CDC27: variants seen among roughly 807,000 people sequenced by gnomAD.
The protein encoded by CDC27 is cell division cycle 27, also known as cell division cycle protein 27 homolog.
CDC27 carries 27 observed loss-of-function variants against 109.7 expected under a neutral mutation model. That is an observed-to-expected ratio of 0.25 (90% CI 0.18 to 0.34). CDC27 has a LOEUF of 0.34. Among genes scored for constraint, CDC27 ranks in the 10% least tolerant of loss-of-function variants. The pLI is 1.00. For synonymous variants in CDC27, 266 were observed against 333.9 expected (o/e 0.80, Z 2.22); for missense variants, 579 against 960.2 (o/e 0.60, Z 5.25).
At position 47,178,415 on chromosome 17, in the gene CDC27, G is replaced by A. The variant is rs545900282; in HGVS notation, c.103+3147C>T. ...CTGGGCATGGTAGCATGTGCCTGTAGTCTCATCTAGTAGGGAGGTTGAGGT... is the reference window on the plus strand; with the variant it reads ...CTGGGCATGGTAGCATGTGCCTGTAATCTCATCTAGTAGGGAGGTTGAGGT... On this transcript the variant is annotated intron_variant, in intron 2 of 18. Coordinates refer to ENST00000066544, the MANE Select transcript of CDC27 (RefSeq NM_001256.6). 2.4e-3 allele frequency among the ~76,000 whole-genome samples: 371 copies of A among 151,628 alleles called. 2 individuals are homozygous for A. Among genetic ancestry groups the A allele is most frequent in the Non-Finnish European group, 2.5e-3 (169 of 67,932 alleles).
At position 47,137,298 on chromosome 17, in the gene CDC27, G is replaced by A; in HGVS notation, c.1767C>T (p.Phe589=). Residue 589 remains phenylalanine (F), a synonymous_variant, in exon 14 of 19, where the codon TTC becomes TTT. Transcript: ENST00000066544. ...GATCAACTTGGATAGCTCTCTGGAA[G>A]AATTTAATTGCAATATCATGTTCCC... ...LQREHDIAIK[F]FQRAIQVDPN... The A allele has an allele frequency of 6.2e-7, 1 of 1,611,876 alleles. No individual in the cohort carries two copies. Among genetic ancestry groups the A allele is most frequent in the Non-Finnish European group, 8.5e-7 (1 of 1,179,150 alleles).
At chr17:47,133,110 T>C (rs12449604) in intron 14 of CDC27, among the ~76,000 whole-genome samples, 22 of 1,340 alleles carry the variant, frequency 0.016, no homozygotes, top group Non-Finnish European at 0.025. Context: ...AATATACATA[T>C]ATATATATAT....
At position 47,119,017 on chromosome 17, in the gene CDC27, C is replaced by G. The variant is rs11570583; in HGVS notation, c.*1918G>C. 1.5e-4 allele frequency: 23 copies of G among 152,270 alleles called. No individual in the cohort carries two copies. Among genetic ancestry groups the G allele is most frequent in the Non-Finnish European group, 2.6e-4 (18 of 68,010 alleles). 9.4% of individuals were successfully genotyped at this position (152,270 alleles called of 1,614,324 possible). On this transcript the variant is annotated 3_prime_UTR_variant, in exon 19 of 19. Coordinates refer to ENST00000066544, the MANE Select transcript of CDC27 (RefSeq NM_001256.6). Reference sequence around the variant, plus strand: ...TCAGCAAGTTATGTTCTAAGCTTAGCTTTCTCCAGGCTTTATAACGCAGAA... The same window carrying G: ...TCAGCAAGTTATGTTCTAAGCTTAGGTTTCTCCAGGCTTTATAACGCAGAA...
At chr17:47,149,558 T>C (rs993616003) in intron 9 of CDC27, among the ~76,000 whole-genome samples, 4 of 136,480 alleles carry the variant, frequency 2.9e-5, no homozygotes, top group African/African-American at 1.1e-4. Context: ...TCCTTCAAGG[T>C]GGAGGAAAAT....
At chr17:47,183,579 G>A (rs887401832) in intron 1 of CDC27, among the ~76,000 whole-genome samples, 1 of 152,032 alleles carries the variant, frequency 6.6e-6, no homozygotes, top group Non-Finnish European at 1.5e-5. Context: ...CTAGATACAA[G>A]GAAAAAGATG....
At chr17:47,167,715 A>G (rs752901078) in intron 4 of CDC27, among the ~76,000 whole-genome samples, 1 of 152,142 alleles carries the variant, frequency 6.6e-6, no homozygotes, top group Non-Finnish European at 1.5e-5. Flanking sequence ...TGGGTTTTCT[A>G]ATTCCCCCTA....
At chr17:47,179,142 C>T (rs898125972) in intron 2 of CDC27, among the ~76,000 whole-genome samples, 2 of 152,140 alleles carry the variant, frequency 1.3e-5, no homozygotes, top group African/African-American at 4.8e-5. Context: ...GAGAGAAAGA[C>T]AAATGGGCGA....
rs2063343113 is a variant in CDC27 at position 47,157,308 on chromosome 17, G to A, written c.552C>T (p.Cys184=). The A allele has an allele frequency of 1.9e-6, 3 of 1,612,452 alleles. No individual in the cohort carries two copies. Among genetic ancestry groups the A allele is most frequent in the Non-Finnish European group, 2.5e-6 (3 of 1,178,804 alleles). Reference sequence around the variant, plus strand: ...AACTATGATTAGGTACTTGTGTTGTGCAAGAGTTGGGCAGACAGTTGCTAA... The same window carrying A: ...AACTATGATTAGGTACTTGTGTTGTACAAGAGTTGGGCAGACAGTTGCTAA... ...QNFSNCLPNS[C]TTQVPNHSLS... The change falls in exon 6 of 19, where the codon TGC becomes TGT. Residue 184 remains cysteine (C), a synonymous_variant. Coordinates refer to ENST00000066544, the MANE Select transcript of CDC27 (RefSeq NM_001256.6).
chr17:47,177,622 A>T (rs2064065695), intron 2 of CDC27, among the ~76,000 whole-genome samples: 1 of 152,198 alleles, frequency 6.6e-6, no homozygotes, highest in Admixed American at 6.5e-5. Context: ...ACATTAATTT[A>T]AGATAAAACA....
intron 17 of CDC27, among the ~76,000 whole-genome samples, chr17:47,123,402 C>CTTTT (rs57868315): frequency 4.6e-4 from 56 of 122,990 alleles, no homozygotes; most frequent in East Asian, 1.6e-3. Context: ...TTTTTTTCTA[C>CTTTT]TTTTTTTTTT....
chr17:47,169,745 A>T lies in CDC27; in HGVS notation c.377+172T>A, dbSNP rs565514382. On this transcript the variant is annotated intron_variant, in intron 4 of 18. Transcript: ENST00000066544. ...AGCTATTATCAGTAAGGATAAGTGGAGAGTTCAAACTTAGATTAGCATCTC... is the reference window on the plus strand; with the variant it reads ...AGCTATTATCAGTAAGGATAAGTGGTGAGTTCAAACTTAGATTAGCATCTC... The T allele has an allele frequency of 1.5e-4, 63 of 410,412 alleles. No homozygotes were observed. In the South Asian group the frequency reaches 6.3e-3, roughly 41 times the overall value. 25.4% of individuals were successfully genotyped at this position (410,412 alleles called of 1,614,324 possible).
At chr17:47,121,070 T>C (rs752312021) in intron 18 of CDC27, 53 bp from the exon 19 acceptor site, 32 of 1,180,074 alleles carry the variant, frequency 2.7e-5, no homozygotes, top group Non-Finnish European at 3.6e-5. Context: ...ATATGTCCTG[T>C]TGGTTCATGA....
chr17:47,181,031 C>T (rs1417057857), intron 2 of CDC27, among the ~76,000 whole-genome samples: 1 of 146,632 alleles, frequency 6.8e-6, no homozygotes, highest in Non-Finnish European at 1.5e-5. Context: ...GCAGGTGGAT[C>T]ACCTAAGCTC....
At chr17:47,155,039 TA>T (rs1288462305) in intron 7 of CDC27, among the ~76,000 whole-genome samples, 1 of 152,044 alleles carries the variant, frequency 6.6e-6, no homozygotes, top group Non-Finnish European at 1.5e-5. Flanking sequence ...TTATTAGAAA[TA>T]AAGAAGAGTA....
intron 3 of CDC27, among the ~76,000 whole-genome samples, chr17:47,171,225 A>G (rs2063802837): frequency 6.6e-6 from 1 of 152,262 alleles, no homozygotes; most frequent in African/African-American, 2.4e-5. Flanking sequence ...CAGATATTTT[A>G]GCTAGCTTTA....
intron 1 of CDC27, 188 bp downstream of exon 1, chr17:47,188,958 G>A: frequency 2.1e-6 from 3 of 1,444,842 alleles, no homozygotes; most frequent in East Asian, 2.5e-5. Flanking sequence ...AGTAATGTAG[G>A]GCCAGAGGTA....
intron 4 of CDC27, chr17:47,159,535 G>C: frequency 2.0e-6 from 1 of 503,792 alleles, no homozygotes; most frequent in Non-Finnish European, 3.5e-6. Context: ...TGCAAGGGAC[G>C]GCGTAGGGCT....
intron 7 of CDC27, among the ~76,000 whole-genome samples, chr17:47,156,436 C>T (rs2063308490): frequency 6.6e-6 from 1 of 151,460 alleles, no homozygotes; most frequent in South Asian, 2.1e-4. Context: ...CTGCGCCTGG[C>T]CAGTCCAATA....
chr17:47,149,708 ACTTTG>A (rs2148893175), intron 9 of CDC27, among the ~76,000 whole-genome samples: 1 of 152,056 alleles, frequency 6.6e-6, no homozygotes, highest in South Asian at 2.1e-4. Context: ...TAATCCCAGC[ACTTTG>A]GGAGGCTGAG....
Sources: allele counts gnomAD v4.1 joint callset (sites outside exome capture counted in the v4.1 genomes callset), GRCh38; gene constraint gnomAD v4.1.1; transcripts MANE v1.5; gene names NCBI Gene and HGNC (gene_info 2026-07-23, HGNC 2026-07-21).